KLHL23: variants seen among roughly 807,000 people sequenced by gnomAD.
The protein encoded by KLHL23 is kelch like family member 23.
Under a neutral mutation model 48.9 loss-of-function variants are expected in KLHL23, and 33 were observed. That is an observed-to-expected ratio of 0.67 (90% confidence interval 0.51 to 0.90). KLHL23 has a LOEUF of 0.90. KLHL23 is among the 40% of genes least tolerant of loss of function. The pLI, the probability that KLHL23 is intolerant of heterozygous loss-of-function variation, is 0.00. For missense variants in KLHL23, 608 were observed against 669.6 expected, an observed-to-expected ratio of 0.91 and a Z score of 1.02; for synonymous variants, 234 against 231.6, an observed-to-expected ratio of 1.01 and a Z score of -0.09.
At position 169,749,920 on chromosome 2, in the gene KLHL23, T is replaced by TAG; in HGVS notation, c.*189_*190insGA. The stretch of plus-strand genomic sequence containing the variant: ...TCATGGTCAAGAAAAATCTTATATA[T>TAG]ATATATATATACACACACACATATA... On this transcript the variant is annotated 3_prime_UTR_variant, in exon 4 of 4. Coordinates refer to ENST00000392647, the MANE Select transcript of KLHL23 (RefSeq NM_144711.6). The TAG allele has an allele frequency of 4.0e-6, 1 of 252,606 alleles. No homozygotes were observed. Among genetic ancestry groups the TAG allele is most frequent in the Non-Finnish European group, 7.0e-6 (1 of 143,612 alleles). The allele number at this position is 252,606 out of a possible 1,614,324, so 15.6% of individuals were successfully genotyped here. A position where few individuals can be genotyped will look rare whatever the true frequency, so the allele number is the denominator to read the frequency against.
At chr2:169,740,791 T>TAA (rs1553477041) in intron 2 of KLHL23, among the ~76,000 whole-genome samples, 6 of 140,238 alleles carry the variant, frequency 4.3e-5, no homozygotes, top group African/African-American at 1.1e-4. Context: ...TATATATATA[T>TAA]AACTTATTTA....
In KLHL23 at chr2:169,735,819, C is replaced by G; in HGVS notation, c.805C>G (p.Gln269Glu). 6.2e-7 allele frequency: 1 copy of G among 1,614,080 alleles called. No homozygotes were observed. The highest frequency in any genetic ancestry group is 8.5e-7 in the Non-Finnish European group (1 of 1,180,026). ...GAATCCCATGCATAAAGAGATTTCCCAGAGGTCCACAGCCACAATGTATAT... is the reference window on the plus strand; with the variant it reads ...GAATCCCATGCATAAAGAGATTTCCGAGAGGTCCACAGCCACAATGTATAT... Reference protein sequence around the residue: ...ALNPMHKEISQRSTATMYIIG... With the variant: ...ALNPMHKEISERSTATMYIIG... Residue 269 changes from glutamine to glutamate, a missense_variant, in exon 2 of 4, where the codon CAG (glutamine) becomes GAG (glutamate). Physicochemically the swap from Gln to Glu is conservative, Grantham distance 29. Around this residue, in one of 3 missense-constraint regions of KLHL23, gnomAD observed 419 missense variants for 473.1 expected, o/e 0.89. Transcript: ENST00000392647. This position sits in a 1 kb window ranked among gnomAD's most constrained non-coding sequence, Gnocchi z 4.5.
At position 169,750,005 on chromosome 2, in the gene KLHL23, GTA is replaced by G. The variant is rs1323605671; in HGVS notation, c.*280_*281del. ...TATATACGTATGTATACATATATGT[GTA>G]TATATACGTATGTATGTATACATAT... On this transcript the variant is annotated 3_prime_UTR_variant, in exon 4 of 4. Coordinates refer to ENST00000392647, the MANE Select transcript of KLHL23 (RefSeq NM_144711.6). The G allele has an allele frequency of 6.1e-6, 1 of 164,280 alleles. No homozygotes were observed. The highest frequency in any genetic ancestry group is 2.7e-5 in the African/African-American group (1 of 37,352). The allele number at this position is 164,280 out of a possible 1,614,324, so 10.2% of individuals were successfully genotyped here.
rs141419265 is a variant in KLHL23 at position 169,744,758 on chromosome 2, C to T, written c.1366+3221C>T. Among the ~76,000 whole-genome samples the T allele has an allele frequency of 7.2e-3, 1,090 of 151,840 alleles. 17 individuals are homozygous for T. Among genetic ancestry groups the T allele is most frequent in the African/African-American group, 0.025 (1,028 of 41,420 alleles). On this transcript the variant is annotated intron_variant, in intron 3 of 3. Coordinates refer to ENST00000392647, the MANE Select transcript of KLHL23 (RefSeq NM_144711.6). Reference sequence around the variant, plus strand: ...ATTTTTAGTAGAGATGGGGTTTCACCGTGTTAGCCAGGCTGGTCTCAAACT... The same window carrying T: ...ATTTTTAGTAGAGATGGGGTTTCACTGTGTTAGCCAGGCTGGTCTCAAACT...
chr2:169,735,010 C>A lies in KLHL23; in HGVS notation c.-2-3C>A. On this transcript the variant is annotated splice_region_variant and splice_polypyrimidine_tract_variant and intron_variant, in intron 1 of 3. Coordinates refer to ENST00000392647, the MANE Select transcript of KLHL23 (RefSeq NM_144711.6). The surrounding 1 kb of genome is among the most constrained non-coding windows in gnomAD (Gnocchi z 4.5). ...CACATTTGTTATTTCATATTTATTG[C>A]AGCCATGGCTCTAAAAGGACAAGAA... is the stretch of plus-strand genomic sequence containing the variant. 1.3e-6 allele frequency: 2 copies of A among 1,522,770 alleles called. No homozygotes were observed. The highest frequency in any genetic ancestry group is 8.8e-7 in the Non-Finnish European group (1 of 1,140,922). The allele number at this position is 1,522,770 out of a possible 1,614,324, so 94.3% of individuals were successfully genotyped here.
At chr2:169,736,848 T>C (rs562917914) in intron 2 of KLHL23, among the ~76,000 whole-genome samples, 314 of 152,368 alleles carry the variant, frequency 2.1e-3, no homozygotes, top group Non-Finnish European at 3.2e-3. Context: ...TCATTGGTGC[T>C]GAGGAGTTGT....
Position 169,741,482 on chromosome 2 carries a change from G to C in KLHL23, c.1311G>C (p.Gln437His). 6.2e-7 allele frequency: 1 copy of C among 1,613,950 alleles called. No individual in the cohort carries two copies. Among genetic ancestry groups the C allele is most frequent in the Non-Finnish European group, 8.5e-7 (1 of 1,179,924 alleles). The change falls in exon 3 of 4, where the codon CAG (glutamine) becomes CAC (histidine). Residue 437 changes from glutamine (Q) to histidine (H), a missense_variant. By Grantham distance (24) the Gln-to-His change is conservative (BLOSUM62 0). Transcript: ENST00000392647. ...GAAGCTGCACCTATGACAAAGTTCA[G>C]AGCTACAATTCCGATATCAACGAAT... ...YRGSCTYDKV[Q>H]SYNSDINEWS...
rs1476993010 is a variant in KLHL23 at position 169,750,526 on chromosome 2, G to A, written c.*794G>A. The A allele has an allele frequency of 6.6e-6, 1 of 151,012 alleles. No homozygotes were observed. The highest frequency in any genetic ancestry group is 2.4e-5 in the African/African-American group (1 of 41,108). The allele number at this position is 151,012 out of a possible 1,614,324, so 9.4% of individuals were successfully genotyped here. On this transcript the variant is annotated 3_prime_UTR_variant, in exon 4 of 4. Transcript: ENST00000392647. ...AGCAGGAATTTGACATTTAAAGAGG[G>A]AATCTTCTCTACCTCTACAAAATCA... is the stretch of plus-strand genomic sequence containing the variant.
rs763407323 is a variant in KLHL23, at chr2:169,736,087, C to A, written c.1073C>A (p.Ala358Asp). 15 of 1,614,036 alleles carry A rather than the reference C, an allele frequency of 9.3e-6. No homozygotes were observed. The change falls in exon 2 of 4, where the codon GCC (alanine) becomes GAC (aspartate). Residue 358 changes from alanine (A) to aspartate (D), a missense_variant. By Grantham distance (126) the Ala-to-Asp change is moderately radical (BLOSUM62 -2). This residue lies in a region of KLHL23 where 419 missense variants were observed against 473.1 expected (regional missense o/e 0.89). Transcript: ENST00000392647. ...EWTEGLPMLN[A>D]RYYHCAVTLG... ...ACAGAAGGTTTGCCAATGCTCAATG[C>A]CAGGTATTACCACTGTGCAGTCACC...
intron 3 of KLHL23, among the ~76,000 whole-genome samples, chr2:169,748,422 G>A (rs536997730): frequency 3.9e-5 from 6 of 152,194 alleles, no homozygotes; most frequent in Non-Finnish European, 5.9e-5. Context: ...GGGCTCCAGC[G>A]AAAGGTTTTT....
chr2:169,735,008 T>C lies in KLHL23; in HGVS notation c.-2-5T>C, dbSNP rs1688476338. On this transcript the variant is annotated splice_region_variant and splice_polypyrimidine_tract_variant and intron_variant, in intron 1 of 3. Transcript: ENST00000392647. This position sits in a 1 kb window ranked among gnomAD's most constrained non-coding sequence, Gnocchi z 4.5. ...AACACATTTGTTATTTCATATTTAT[T>C]GCAGCCATGGCTCTAAAAGGACAAG... 6.6e-7 allele frequency: 1 copy of C among 1,524,016 alleles called. No homozygotes were observed. Among genetic ancestry groups the C allele is most frequent in the Admixed American group, 2.3e-5 (1 of 42,828 alleles). 94.4% of individuals were successfully genotyped at this position (1,524,016 alleles called of 1,614,324 possible).
Position 169,749,449 on chromosome 2 carries a change from A to G in KLHL23, c.1394A>G (p.Glu465Gly). 1 of 1,611,952 alleles carries G rather than the reference A, an allele frequency of 6.2e-7. No homozygotes were observed. Among genetic ancestry groups the G allele is most frequent in the Non-Finnish European group, 8.5e-7 (1 of 1,178,242 alleles). The change falls in exon 4 of 4, where the codon GAA becomes GGA. Residue 465 changes from glutamate to glycine, a missense_variant. Around this residue, in one of 3 missense-constraint regions of KLHL23, gnomAD observed 179 missense variants for 169.9 expected, o/e 1.05. Coordinates refer to ENST00000392647, the MANE Select transcript of KLHL23 (RefSeq NM_144711.6). ...TATGGATTGTGCTCAGTTCCGTTTG[A>G]AAATAAGCTCTATCTAGTCGGCGGA... Reference protein sequence around the residue: ...PEYGLCSVPFENKLYLVGGQT... With the variant: ...PEYGLCSVPFGNKLYLVGGQT...
chr2:169,746,506 T>C (rs1447062860), intron 3 of KLHL23, among the ~76,000 whole-genome samples: 2 of 152,212 alleles, frequency 1.3e-5, no homozygotes, highest in Non-Finnish European at 2.9e-5. Flanking sequence ...GTCTAACATA[T>C]CTGCTGTGTG....
Position 169,749,957 on chromosome 2 carries a change from A to ATGTGTATATATACG in KLHL23, c.*226_*227insGTGTATATATACGT, listed in dbSNP as rs1558952111. The stretch of plus-strand genomic sequence containing the variant: ...CACACACACATATATGTGTTCATAT[A>ATGTGTATATATACG]TATGTATACATATATATGTGTATAT... On this transcript the variant is annotated 3_prime_UTR_variant, in exon 4 of 4. Transcript: ENST00000392647. 9.8e-6 allele frequency: 1 copy of ATGTGTATATATACG among 101,818 alleles called. No homozygotes were observed. Among genetic ancestry groups the ATGTGTATATATACG allele is most frequent in the African/African-American group, 1.2e-4 (1 of 8,156 alleles). The allele number at this position is 101,818 out of a possible 1,614,324, so 6.3% of individuals were successfully genotyped here. A position where few individuals can be genotyped will look rare whatever the true frequency, so the allele number is the denominator to read the frequency against.
chr2:169,738,583 T>TA (rs1364165620), intron 2 of KLHL23, among the ~76,000 whole-genome samples: 1 of 152,150 alleles, frequency 6.6e-6, no homozygotes, highest in Non-Finnish European at 1.5e-5. Flanking sequence ...TTAAGTTCAC[T>TA]AATGTACAGA....
At position 169,750,127 on chromosome 2, in the gene KLHL23, C is replaced by CGTGTGTATGTAT. The variant is rs1688937097; in HGVS notation, c.*395_*396insGTGTGTATGTAT. On this transcript the variant is annotated 3_prime_UTR_variant, in exon 4 of 4. Coordinates refer to ENST00000392647, the MANE Select transcript of KLHL23 (RefSeq NM_144711.6). Reference sequence around the variant, plus strand: ...ACATATATATGTGTGTATATATATACACATATATACGTATATATGTGTATA... The same window carrying CGTGTGTATGTAT: ...ACATATATATGTGTGTATATATATACGTGTGTATGTATACATATATACGTATATATGTGTATA... 1.9e-4 allele frequency: 8 copies of CGTGTGTATGTAT among 41,334 alleles called. No homozygotes were observed. Among genetic ancestry groups the CGTGTGTATGTAT allele is most frequent in the Non-Finnish European group, 4.0e-4 (8 of 19,956 alleles). 2.6% of individuals were successfully genotyped at this position (41,334 alleles called of 1,614,324 possible).
chr2:169,734,804 G>T (rs1032526066), intron 1 of KLHL23, among the ~76,000 whole-genome samples: 1 of 152,046 alleles, frequency 6.6e-6, no homozygotes, highest in East Asian at 1.9e-4. Flanking sequence ...AAATCCAGGA[G>T]CCTCATTTCA....
chr2:169,749,292 A>C, intron 3 of KLHL23, 130 bp from the exon 4 acceptor site: 1 of 1,010,468 alleles, frequency 9.9e-7, no homozygotes, highest in African/African-American at 1.6e-5. Flanking sequence ...TGTGTGCCTG[A>C]ATCAAAATAC....
At position 169,735,217 on chromosome 2, in the gene KLHL23, C is replaced by T; in HGVS notation, c.203C>T (p.Ala68Val). ...AATTATTTTAAGGCAATGTTCACAG[C>T]TGACATGAAAGAAAAATTTAAAAAT... ...CSNYFKAMFT[A>V]DMKEKFKNKI... Residue 68 changes from alanine to valine, a missense_variant, in exon 2 of 4, where the codon GCT (alanine) becomes GTT (valine). By Grantham distance (64) the Ala-to-Val change is moderately conservative (BLOSUM62 0). Transcript: ENST00000392647. The surrounding 1 kb of genome is among the most constrained non-coding windows in gnomAD (Gnocchi z 4.5). 1.2e-6 allele frequency: 2 copies of T among 1,603,874 alleles called. No individual in the cohort carries two copies. The highest frequency in any genetic ancestry group is 1.7e-6 in the Non-Finnish European group (2 of 1,177,714).
Sources: allele counts gnomAD v4.1 joint callset (sites outside exome capture counted in the v4.1 genomes callset), GRCh38; gene constraint gnomAD v4.1.1; regional missense constraint gnomAD v4.1.1; non-coding constraint Gnocchi (gnomAD v3.1); transcripts MANE v1.5; gene names NCBI Gene and HGNC (gene_info 2026-07-23, HGNC 2026-07-21).